The following GTF3C4 variants were observed in gnomAD, a reference collection of about 807,000 sequenced individuals.
GTF3C4 encodes the protein general transcription factor IIIC subunit 4, also known as general transcription factor 3C polypeptide 4.
GTF3C4 carries 28 observed loss-of-function variants against 67.5 expected under a neutral mutation model. That is an observed-to-expected ratio of 0.41 (90% CI 0.31 to 0.57). The LOEUF is 0.57. Ranked by LOEUF, GTF3C4 falls within the 20% of genes least tolerant of loss-of-function variation. GTF3C4 has a pLI of 0.21. For missense variants in GTF3C4, 831 were observed against 1,033.2 expected (o/e 0.80, Z 2.68); for synonymous variants, 409 against 393.0 (o/e 1.04, Z -0.48).
chr9:132,680,926 A>G (rs1272683927), intron 2 of GTF3C4, among the ~76,000 whole-genome samples: 2 of 152,192 alleles, frequency 1.3e-5, no homozygotes, highest in African/African-American at 4.8e-5. Flanking sequence ...GCTGGCCAAC[A>G]TGGCGAAACC....
intron 1 of GTF3C4, among the ~76,000 whole-genome samples, chr9:132,677,268 G>A (rs1835876186): frequency 1.3e-5 from 2 of 152,168 alleles, no homozygotes; most frequent in Admixed American, 1.3e-4. Context: ...TGGGTGTGGT[G>A]GTGCACGCTT....
In GTF3C4 at chr9:132,681,838, T is replaced by A. The variant is rs375200643; in HGVS notation, c.2185-1725T>A. Among the ~76,000 whole-genome samples the A allele has an allele frequency of 8.5e-5, 13 of 152,054 alleles. No individual in the cohort carries two copies. In the East Asian group the frequency reaches 1.4e-3, roughly 16 times the overall value. ...CTTCCTTATGTAAAATTGAGATATA[T>A]CTGGGCCGGGCACAGTGGTCATGCC... On this transcript the variant is annotated intron_variant, in intron 2 of 4. Transcript: ENST00000372146.
At chr9:132,687,946 A>G (rs1409438050) in intron 4 of GTF3C4, among the ~76,000 whole-genome samples, 1 of 152,232 alleles carries the variant, frequency 6.6e-6, no homozygotes, top group East Asian at 1.9e-4. Context: ...CAGAATATAC[A>G]ATTTTATATG....
intron 1 of GTF3C4, among the ~76,000 whole-genome samples, chr9:132,673,698 A>C (rs903334380): frequency 4.6e-5 from 7 of 152,250 alleles, no homozygotes; most frequent in African/African-American, 1.7e-4. Flanking sequence ...GTTTTAGTGT[A>C]GCACTGTTAG....
chr9:132,691,950 G>A lies in GTF3C4; in HGVS notation c.*3005G>A, dbSNP rs146497046. On this transcript the variant is annotated 3_prime_UTR_variant, in exon 5 of 5. Coordinates refer to ENST00000372146, the MANE Select transcript of GTF3C4 (RefSeq NM_012204.4). The stretch of plus-strand genomic sequence containing the variant: ...TTTCAATTATTTTGTAATTATAATG[G>A]TATCAAATAAGATGCAAAAGAAGTT... 1.4e-4 allele frequency: 22 copies of A among 152,258 alleles called. No homozygotes were observed. In the East Asian group the frequency reaches 4.2e-3, roughly 29 times the overall value. 9.4% of individuals were successfully genotyped at this position (152,258 alleles called of 1,614,324 possible).
At chr9:132,682,969 T>C (rs924042109) in intron 2 of GTF3C4, among the ~76,000 whole-genome samples, 5 of 152,146 alleles carry the variant, frequency 3.3e-5, no homozygotes, top group Admixed American at 6.5e-5. Flanking sequence ...GCCTGTGCCA[T>C]TACCTCTCTC....
intron 1 of GTF3C4, among the ~76,000 whole-genome samples, chr9:132,677,063 TC>T (rs1355173282): frequency 6.6e-6 from 1 of 152,162 alleles, no homozygotes; most frequent in Non-Finnish European, 1.5e-5. Context: ...TTTCTTTTGG[TC>T]ATTTATCTCT....
Position 132,670,669 on chromosome 9 carries a change from G to A in GTF3C4, c.71G>A (p.Gly24Glu), listed in dbSNP as rs1446455850. The A allele has an allele frequency of 1.3e-6, 2 of 1,507,038 alleles. No homozygotes were observed. Among genetic ancestry groups the A allele is most frequent in the South Asian group, 1.3e-5 (1 of 79,262 alleles). The allele number at this position is 1,507,038 out of a possible 1,614,324, so 93.4% of individuals were successfully genotyped here. A position where few individuals can be genotyped will look rare whatever the true frequency, so the allele number is the denominator to read the frequency against. ...CCTGCGCCGTCTGGGGAGGAGGAGG[G>A]AGAGGGGGGCGGCGAGGCGGGCGGG... ...DGPAPSGEEE[G>E]EGGGEAGGKE... The change falls in exon 1 of 5, where the codon GGA becomes GAA. Residue 24 changes from glycine (G) to glutamate (E), a missense_variant. Around this residue, in one of 4 missense-constraint regions of GTF3C4, gnomAD observed 237 missense variants for 212.7 expected, o/e 1.11. Transcript: ENST00000372146.
At chr9:132,671,017 C>T (rs190516388) in intron 1 of GTF3C4, 62 bp downstream of exon 1, 11 of 1,153,246 alleles carry the variant, frequency 9.5e-6, no homozygotes, top group East Asian at 9.4e-5. Context: ...CCGCATCATC[C>T]GTCCCAGGGG....
upstream of GTF3C4, chr9:132,670,268 C>T (rs775460621): frequency 1.4e-5 from 21 of 1,516,322 alleles, no homozygotes; most frequent in Non-Finnish European, 1.7e-5. Context: ...CGAGCCTCCC[C>T]TTTACCGCCC....
Position 132,683,601 on chromosome 9 carries a change from G to C in GTF3C4, c.2223G>C (p.Gln741His). The C allele has an allele frequency of 6.2e-7, 1 of 1,612,852 alleles. No individual in the cohort carries two copies. The highest frequency in any genetic ancestry group is 8.5e-7 in the Non-Finnish European group (1 of 1,179,630). The change falls in exon 3 of 5, where the codon CAG (glutamine) becomes CAC (histidine). Residue 741 changes from glutamine (Q) to histidine (H), a missense_variant. Physicochemically the swap from Gln to His is conservative, Grantham distance 24. Transcript: ENST00000372146. ...ATATCTCAAAGAAGATGAACAAACA[G>C]ACTTTCCCTGAGCACTGTAGTTTGT... ...IGHISKKMNK[Q>H]TFPEHCSLCK...
chr9:132,670,891 C>T lies in GTF3C4; in HGVS notation c.293C>T (p.Pro98Leu), dbSNP rs1835722922. 5.0e-6 allele frequency: 8 copies of T among 1,612,546 alleles called. No individual in the cohort carries two copies. The highest frequency in any genetic ancestry group is 1.1e-5 in the South Asian group (1 of 91,066). Reference sequence around the variant, plus strand: ...GAGCTCATCTGCGACGTGCACAACCCGGGCCAGGACCTGGTTATCCACCGC... The same window carrying T: ...GAGCTCATCTGCGACGTGCACAACCTGGGCCAGGACCTGGTTATCCACCGC... ...VLELICDVHN[P>L]GQDLVIHRTS... Residue 98 changes from proline (P) to leucine (L), a missense_variant, in exon 1 of 5, where the codon CCG (proline) becomes CTG (leucine). Transcript: ENST00000372146.
chr9:132,675,895 CTTTTTTT>C (rs72145516), intron 1 of GTF3C4, among the ~76,000 whole-genome samples: 4 of 89,040 alleles, frequency 4.5e-5, no homozygotes, highest in East Asian at 3.7e-4. Flanking sequence ...TCCAGTTACC[CTTTTTTT>C]TTTTTTTTTT....
At chr9:132,688,513 T>A (rs894609808) in intron 4 of GTF3C4, among the ~76,000 whole-genome samples, 4 of 152,252 alleles carry the variant, frequency 2.6e-5, no homozygotes, top group Non-Finnish European at 4.4e-5. Context: ...TAGCATTTTT[T>A]AAAAATTCCT....
Position 132,670,640 on chromosome 9 carries a change from C to A in GTF3C4, c.42C>A (p.Asp14Glu). ...AGGCCCGGGTGGGGCCCGCGGACGA[C>A]GGGCCTGCGCCGTCTGGGGAGGAGG... ...ADQARVGPAD[D>E]GPAPSGEEEG... Residue 14 changes from aspartate (D) to glutamate (E), a missense_variant, in exon 1 of 5, where the codon GAC becomes GAA. This residue lies in a region of GTF3C4 where 237 missense variants were observed against 212.7 expected (regional missense o/e 1.11). Coordinates refer to ENST00000372146, the MANE Select transcript of GTF3C4 (RefSeq NM_012204.4). 7.0e-7 allele frequency: 1 copy of A among 1,431,642 alleles called. No individual in the cohort carries two copies. 88.7% of individuals were successfully genotyped at this position (1,431,642 alleles called of 1,614,324 possible).
intron 1 of GTF3C4, among the ~76,000 whole-genome samples, chr9:132,674,997 A>G (rs1307215802): frequency 6.6e-6 from 1 of 150,960 alleles, no homozygotes; most frequent in African/African-American, 2.4e-5. Flanking sequence ...CGCCAGCTGC[A>G]CTGCAGCCAG....
Position 132,694,131 on chromosome 9 carries a change from A to G in GTF3C4, c.*5186A>G, listed in dbSNP as rs1010741658. ...TTTGGTGTTGAAAAAAAAAAGTTTGATAACAATGCATTTTGCTTGGAATAC... is the reference window on the plus strand; with the variant it reads ...TTTGGTGTTGAAAAAAAAAAGTTTGGTAACAATGCATTTTGCTTGGAATAC... On this transcript the variant is annotated 3_prime_UTR_variant, in exon 5 of 5. Transcript: ENST00000372146. 2 of 152,140 alleles carry G rather than the reference A, an allele frequency of 1.3e-5. No individual in the cohort carries two copies. The highest frequency in any genetic ancestry group is 4.8e-5 in the African/African-American group (2 of 41,436). 9.4% of individuals were successfully genotyped at this position (152,140 alleles called of 1,614,324 possible). A position where few individuals can be genotyped will look rare whatever the true frequency, so the allele number is the denominator to read the frequency against.
chr9:132,683,530 C>A, intron 2 of GTF3C4, 33 bp from the exon 3 acceptor site: 1 of 1,587,100 alleles, frequency 6.3e-7, no homozygotes, highest in African/African-American at 1.4e-5. Flanking sequence ...CCTGCACTTA[C>A]ACTAAACTTT....
chr9:132,672,837 A>G (rs1326746541), intron 1 of GTF3C4, among the ~76,000 whole-genome samples: 1 of 152,220 alleles, frequency 6.6e-6, no homozygotes, highest in East Asian at 1.9e-4. Flanking sequence ...AAGATTAAAC[A>G]CACATAATCA....
Sources: allele counts gnomAD v4.1 joint callset (sites outside exome capture counted in the v4.1 genomes callset), GRCh38; gene constraint gnomAD v4.1.1; regional missense constraint gnomAD v4.1.1; transcripts MANE v1.5; gene names NCBI Gene and HGNC (gene_info 2026-07-23, HGNC 2026-07-21).